The following EBF2 variants were observed in gnomAD, a reference collection of about 807,000 sequenced individuals.
EBF2 encodes transcription factor COE2.
EBF2 carries 21 observed loss-of-function variants against 72.8 expected under a neutral mutation model. That is an observed-to-expected ratio of 0.29 (90% CI 0.20 to 0.42). The LOEUF is 0.42. Ranked by LOEUF, EBF2 falls within the 10% of genes least tolerant of loss-of-function variation. The probability of loss-of-function intolerance (pLI) is 1.00; values close to 1 mark genes in which losing one functional copy is unlikely to be tolerated. For synonymous variants in EBF2, 299 were observed against 274.2 expected, an observed-to-expected ratio of 1.09 and a Z score of -0.89; for missense variants, 637 against 731.2, an observed-to-expected ratio of 0.87 and a Z score of 1.49.
At chr8:25,886,080 T>G (rs1215352476) in intron 10 of EBF2, among the ~76,000 whole-genome samples, 1 of 152,170 alleles carries the variant, frequency 6.6e-6, no homozygotes, top group African/African-American at 2.4e-5. Flanking sequence ...TCAATTTCCA[T>G]CTCTTCCTTG....
chr8:25,886,364 T>C (rs77334058), intron 10 of EBF2, among the ~76,000 whole-genome samples: 1,664 of 152,342 alleles, frequency 0.011, 21 homozygotes, highest in Admixed American at 0.024. Context: ...CTTGAAGTTT[T>C]AAAATACTTT....
chr8:25,926,344 G>A (rs925464463), intron 6 of EBF2, among the ~76,000 whole-genome samples: 2 of 152,050 alleles, frequency 1.3e-5, no homozygotes, highest in Non-Finnish European at 2.9e-5. Flanking sequence ...ACATTGTGTC[G>A]GGCCTGGGAT....
chr8:26,021,330 G>T (rs779778330), intron 6 of EBF2, among the ~76,000 whole-genome samples: 3 of 152,212 alleles, frequency 2.0e-5, no homozygotes, highest in East Asian at 3.8e-4. Context: ...AATCTCCTAC[G>T]TGTGAATCAG....
intron 6 of EBF2, among the ~76,000 whole-genome samples, chr8:26,012,891 C>G (rs1417145161): frequency 6.6e-6 from 1 of 152,180 alleles, no homozygotes; most frequent in African/African-American, 2.4e-5. Context: ...TAAACAAATA[C>G]TCATCGATAC....
intron 6 of EBF2, among the ~76,000 whole-genome samples, chr8:25,971,818 T>C (rs916634503): frequency 6.6e-6 from 1 of 151,982 alleles, no homozygotes; most frequent in Non-Finnish European, 1.5e-5. Flanking sequence ...TTTTAAAAGG[T>C]TGATTTGCAA....
Position 25,952,404 on chromosome 8 carries a change from A to G in EBF2, c.552-43849T>C, listed in dbSNP as rs60542588. 2.9e-3 allele frequency among the ~76,000 whole-genome samples: 445 copies of G among 152,174 alleles called. 3 individuals are homozygous for G. Among genetic ancestry groups the G allele is most frequent in the African/African-American group, 0.01 (426 of 41,540 alleles). On this transcript the variant is annotated intron_variant, in intron 6 of 15. Coordinates refer to ENST00000520164, the MANE Select transcript of EBF2 (RefSeq NM_022659.4). The stretch of plus-strand genomic sequence containing the variant: ...ATTTATAAATTATTTATTCATTTAT[A>G]TAGTATGCATTTTAAATAAAAATAA...
intron 14 of EBF2, among the ~76,000 whole-genome samples, chr8:25,851,496 A>G (rs1409026681): frequency 1.3e-5 from 2 of 152,210 alleles, no homozygotes; most frequent in African/African-American, 2.4e-5. Flanking sequence ...AGCAATTTAC[A>G]TAATGAAGTA....
chr8:25,951,311 T>C (rs1803857390), intron 6 of EBF2, among the ~76,000 whole-genome samples: 1 of 152,068 alleles, frequency 6.6e-6, no homozygotes, highest in Non-Finnish European at 1.5e-5. Context: ...GAGGAGTGGT[T>C]ATGTGAGCTG....
chr8:25,895,664 A>T (rs1232424812), intron 7 of EBF2, among the ~76,000 whole-genome samples: 2 of 152,168 alleles, frequency 1.3e-5, no homozygotes, highest in African/African-American at 4.8e-5. Flanking sequence ...CACTCCAATA[A>T]TTTATACAAA....
intron 10 of EBF2, among the ~76,000 whole-genome samples, chr8:25,885,554 T>C (rs1369326882): frequency 6.6e-6 from 1 of 152,180 alleles, no homozygotes; most frequent in Non-Finnish European, 1.5e-5. Flanking sequence ...CCAAATCTCA[T>C]CTTGAATTGT....
intron 6 of EBF2, among the ~76,000 whole-genome samples, chr8:25,990,659 G>C (rs1225935787): frequency 6.6e-6 from 1 of 152,152 alleles, no homozygotes; most frequent in East Asian, 1.9e-4. Context: ...TGTCTTCTTA[G>C]ATACAACTTA....
At chr8:25,919,650 C>G (rs1172500061) in intron 6 of EBF2, among the ~76,000 whole-genome samples, 3 of 152,158 alleles carry the variant, frequency 2.0e-5, no homozygotes, top group Non-Finnish European at 4.4e-5. Flanking sequence ...TTAAACAAAG[C>G]TACAAGATAA....
chr8:26,022,211 GTC>G (rs1176983506), intron 6 of EBF2, among the ~76,000 whole-genome samples: 1 of 152,156 alleles, frequency 6.6e-6, no homozygotes, highest in East Asian at 1.9e-4. Context: ...TGGATACCTT[GTC>G]TCTTATCCCA....
chr8:25,925,380 G>T (rs1803369848), intron 6 of EBF2, among the ~76,000 whole-genome samples: 1 of 151,902 alleles, frequency 6.6e-6, no homozygotes, highest in African/African-American at 2.4e-5. Context: ...AGAGTCTTGG[G>T]CTCCACCAAG....
chr8:26,044,657 G>T lies in EBF2; in HGVS notation c.131+72C>A. Reference sequence around the variant, plus strand: ...GAGAGAGAAAGGCACGGGGTGCGCGGGGGGGGTGCACACGGAGAGACAGAC... The same window carrying T: ...GAGAGAGAAAGGCACGGGGTGCGCGTGGGGGGTGCACACGGAGAGACAGAC... On this transcript the variant is annotated intron_variant, in intron 1 of 15. Transcript: ENST00000520164. This position sits in a 1 kb window ranked among gnomAD's most constrained non-coding sequence, Gnocchi z 4.1. 6.8e-7 allele frequency: 1 copy of T among 1,471,656 alleles called. No individual in the cohort carries two copies. The highest frequency in any genetic ancestry group is 9.0e-7 in the Non-Finnish European group (1 of 1,111,104). 91.2% of individuals were successfully genotyped at this position (1,471,656 alleles called of 1,614,324 possible).
At chr8:25,861,739 T>C (rs1802216799) in intron 11 of EBF2, among the ~76,000 whole-genome samples, 1 of 152,248 alleles carries the variant, frequency 6.6e-6, no homozygotes, top group East Asian at 1.9e-4. Flanking sequence ...CCAAATATTC[T>C]TAAAATGATT....
At chr8:25,866,453 TATATATAATATATAGG>T (rs1237381986) in intron 10 of EBF2, among the ~76,000 whole-genome samples, 3 of 142,862 alleles carry the variant, frequency 2.1e-5, no homozygotes, top group Non-Finnish European at 4.5e-5. Context: ...AATATATATA[TATATATAATATATAGG>T]ATATATAATA....
chr8:25,896,579 T>A (rs971918420), intron 7 of EBF2, among the ~76,000 whole-genome samples: 5 of 152,232 alleles, frequency 3.3e-5, no homozygotes, highest in Admixed American at 2.6e-4. Flanking sequence ...TTGCCATATA[T>A]GTTATTTCAG....
intron 6 of EBF2, among the ~76,000 whole-genome samples, chr8:25,920,713 T>G (rs1803293172): frequency 6.6e-6 from 1 of 152,172 alleles, no homozygotes; most frequent in African/African-American, 2.4e-5. Flanking sequence ...ATGGATTTTT[T>G]TTTTTCACCT....
Sources: gnomAD v4.1 joint callset for allele counts (sites outside exome capture counted in the v4.1 genomes callset) on GRCh38, gnomAD v4.1.1 for gene constraint, Gnocchi (gnomAD v3.1) non-coding constraint, MANE v1.5 for transcripts, NCBI Gene and HGNC (gene_info 2026-07-23, HGNC 2026-07-21) for gene names.